The following CXADR variants were observed in gnomAD, a reference collection of about 807,000 sequenced individuals.
The protein encoded by CXADR is CXADR cell adhesion molecule.
CXADR carries 20 observed loss-of-function variants against 40.3 expected under a neutral mutation model. The observed-to-expected ratio is 0.50, with a 90% CI of 0.35 to 0.72. The LOEUF is 0.72. Among genes scored for constraint, CXADR ranks in the 30% least tolerant of loss-of-function variants. The pLI, the probability that CXADR is intolerant of heterozygous loss-of-function variation, is 0.01. For missense variants in CXADR, 332 were observed against 449.1 expected (o/e 0.74, Z 2.36); for synonymous variants, 150 against 161.3 (o/e 0.93, Z 0.53).
At chr21:17,630,580 A>G in the CXADR span, among the ~76,000 whole-genome samples, 1 of 151,802 alleles carries the variant, frequency 6.6e-6, no homozygotes, top group East Asian at 1.9e-4. Flanking sequence ...TGGTAACGCA[A>G]AGTCCACATA....
intron 1 of CXADR, among the ~76,000 whole-genome samples, chr21:17,525,353 G>A (rs945824406): frequency 1.3e-5 from 2 of 152,118 alleles, no homozygotes; most frequent in African/African-American, 2.4e-5. Flanking sequence ...CTTTCCCATC[G>A]TTAGATGTGT....
chr21:17,629,671 A>T, the CXADR span, among the ~76,000 whole-genome samples: 39 of 152,304 alleles, frequency 2.6e-4, no homozygotes, highest in South Asian at 7.7e-3. Context: ...TTTTAATTCT[A>T]TGAAAACATC....
In CXADR at chr21:17,567,277, A is replaced by C. The variant is rs2061222425; in HGVS notation, c.*1585A>C. ...TTTACAGTTAGAGTATTGTGTGTAC[A>C]CTTTTTAATGGTAAACTTAAGCTGA... On this transcript the variant is annotated 3_prime_UTR_variant, in exon 7 of 7. Coordinates refer to ENST00000284878, the MANE Select transcript of CXADR (RefSeq NM_001338.5). The C allele has an allele frequency of 1.0e-6, 1 of 985,418 alleles. No homozygotes were observed. The highest frequency in any genetic ancestry group is 1.7e-5 in the African/African-American group (1 of 57,354). The allele number at this position is 985,418 out of a possible 1,614,324, so 61.0% of individuals were successfully genotyped here. A position where few individuals can be genotyped will look rare whatever the true frequency, so the allele number is the denominator to read the frequency against.
chr21:17,566,298 T>G lies in CXADR; in HGVS notation c.*606T>G, dbSNP rs2061207971. 1 of 983,808 alleles carries G rather than the reference T, an allele frequency of 1.0e-6. No individual in the cohort carries two copies. Among genetic ancestry groups the G allele is most frequent in the African/African-American group, 1.7e-5 (1 of 57,218 alleles). The allele number at this position is 983,808 out of a possible 1,614,324, so 60.9% of individuals were successfully genotyped here. A position where few individuals can be genotyped will look rare whatever the true frequency, so the allele number is the denominator to read the frequency against. ...CTAAGTCATTCATAAACCTTGTCTA[T>G]GAAATGACTTCTTAAATATTTAGTT... On this transcript the variant is annotated 3_prime_UTR_variant, in exon 7 of 7. Transcript: ENST00000284878.
At chr21:17,518,272 C>CA (rs1319438728) in intron 1 of CXADR, among the ~76,000 whole-genome samples, 1 of 151,780 alleles carries the variant, frequency 6.6e-6, no homozygotes, top group Non-Finnish European at 1.5e-5. Flanking sequence ...AAACCAAAAA[C>CA]AAAAAAACCA....
At chr21:17,553,309 CAA>C (rs1410281857) in intron 3 of CXADR, among the ~76,000 whole-genome samples, 2 of 152,182 alleles carry the variant, frequency 1.3e-5, no homozygotes, top group Admixed American at 1.3e-4. Context: ...AGACTAGGAA[CAA>C]GAGTGGGGAT....
the CXADR span, among the ~76,000 whole-genome samples, chr21:17,630,070 G>A: frequency 3.3e-5 from 5 of 152,112 alleles, no homozygotes; most frequent in Admixed American, 3.3e-4. Flanking sequence ...GACATTAAGA[G>A]TGAGATTCTA....
At chr21:17,536,414 T>A (rs1057482546) in intron 1 of CXADR, among the ~76,000 whole-genome samples, 1 of 152,214 alleles carries the variant, frequency 6.6e-6, no homozygotes, top group Admixed American at 6.5e-5. Flanking sequence ...GGTTCTTTGC[T>A]TCTCTGGATG....
intron 1 of CXADR, among the ~76,000 whole-genome samples, chr21:17,541,065 G>A (rs2060820934): frequency 6.6e-6 from 1 of 151,842 alleles, no homozygotes; most frequent in African/African-American, 2.4e-5. Context: ...CATCTCCCTC[G>A]CTTGTCAACA....
At chr21:17,633,888 T>C in the CXADR span, among the ~76,000 whole-genome samples, 1 of 152,262 alleles carries the variant, frequency 6.6e-6, no homozygotes, top group Non-Finnish European at 1.5e-5. Flanking sequence ...TTTTATACTT[T>C]GTCTGACTCC....
chr21:17,548,483 C>T (rs755109741), intron 2 of CXADR, among the ~76,000 whole-genome samples: 4 of 152,182 alleles, frequency 2.6e-5, no homozygotes, highest in Admixed American at 6.5e-5. Context: ...CTTACCTCCC[C>T]CTTCTCTCCC....
chr21:17,624,669 G>A, the CXADR span, among the ~76,000 whole-genome samples: 49 of 152,190 alleles, frequency 3.2e-4, no homozygotes, highest in Middle Eastern at 3.4e-3. Flanking sequence ...TGCCATTTCC[G>A]TCTGCAATTT....
chr21:17,577,694 A>T (rs770014825), intron 7 of CXADR, among the ~76,000 whole-genome samples: 102 of 146,434 alleles, frequency 7.0e-4, no homozygotes, highest in Non-Finnish European at 1.1e-3. Flanking sequence ...TAAGGAAAAA[A>T]AGTGAACTTC....
chr21:17,558,801 TG>T (rs2061069064), intron 3 of CXADR, among the ~76,000 whole-genome samples, 174 bp from the exon 4 acceptor site: 1 of 152,208 alleles, frequency 6.6e-6, no homozygotes, highest in Non-Finnish European at 1.5e-5. Flanking sequence ...TTTGCTGTTT[TG>T]TGTCAGATAA....
At position 17,560,789 on chromosome 21, in the gene CXADR, C is replaced by T; in HGVS notation, c.659C>T (p.Ser220Phe). 1.2e-6 allele frequency: 2 copies of T among 1,614,014 alleles called. No individual in the cohort carries two copies. The highest frequency in any genetic ancestry group is 1.7e-6 in the Non-Finnish European group (2 of 1,179,930). ...YSCTVRNRVGSDQCLLRLNVV... is the reference protein window; with the variant it reads ...YSCTVRNRVGFDQCLLRLNVV... ...TGTACAGTCAGAAACAGAGTGGGCT[C>T]TGATCAGTGCCTGTTGCGTCTAAAC... Residue 220 changes from serine to phenylalanine, a missense_variant, in exon 5 of 7, where the codon TCT becomes TTT. Coordinates refer to ENST00000284878, the MANE Select transcript of CXADR (RefSeq NM_001338.5).
chr21:17,538,938 G>A (rs973223376), intron 1 of CXADR, among the ~76,000 whole-genome samples: 4 of 152,330 alleles, frequency 2.6e-5, no homozygotes, highest in Admixed American at 6.5e-5. Context: ...TCCAGGCCAC[G>A]TGAAAGATAA....
rs1165652839 is a variant in CXADR, at chr21:17,569,478, A to G, written c.*3786A>G. ...CTTTGGATATTCCAGCAATAAAGGC[A>G]TCATGTTCTGCAATAGGATTTCTTA... On this transcript the variant is annotated 3_prime_UTR_variant, in exon 7 of 7. Coordinates refer to ENST00000284878, the MANE Select transcript of CXADR (RefSeq NM_001338.5). 1.3e-5 allele frequency: 13 copies of G among 985,192 alleles called. No individual in the cohort carries two copies. In the South Asian group the frequency reaches 2.3e-4, roughly 18 times the overall value. The allele number at this position is 985,192 out of a possible 1,614,324, so 61.0% of individuals were successfully genotyped here.
chr21:17,586,757 C>CT (rs1330609028), intron 7 of CXADR, among the ~76,000 whole-genome samples: 19 of 151,796 alleles, frequency 1.3e-4, no homozygotes, highest in Admixed American at 1.2e-3. Context: ...TATTATTATA[C>CT]TTTAAGTTTT....
intron 1 of CXADR, among the ~76,000 whole-genome samples, chr21:17,543,887 G>T (rs1162665102): frequency 6.6e-6 from 1 of 152,148 alleles, no homozygotes. Flanking sequence ...GACAGGCCAG[G>T]CACAGTGGCT....
Sources: gnomAD v4.1 joint callset for allele counts (sites outside exome capture counted in the v4.1 genomes callset) on GRCh38, gnomAD v4.1.1 for gene constraint, MANE v1.5 for transcripts, NCBI Gene and HGNC (gene_info 2026-07-23, HGNC 2026-07-21) for gene names.